AP2A2: variants seen among roughly 807,000 people sequenced by gnomAD.
The protein encoded by AP2A2 is AP-2 complex subunit alpha-2.
In AP2A2, 32 loss-of-function variants were observed where a neutral mutation model predicts 104.2. The observed-to-expected ratio is 0.31, with a 90% CI of 0.23 to 0.41. The LOEUF is 0.41. Among genes scored for constraint, AP2A2 ranks in the 10% least tolerant of loss-of-function variants. AP2A2 has a pLI of 1.00. For missense variants in AP2A2, 912 were observed against 1,261.0 expected, an observed-to-expected ratio of 0.72 and a Z score of 4.19; for synonymous variants, 539 against 533.3, an observed-to-expected ratio of 1.01 and a Z score of -0.15.
chr11:983,592 C>T lies in AP2A2; in HGVS notation c.706-1053C>T, dbSNP rs545005392. Among the ~76,000 whole-genome samples, 118 of 151,914 alleles carry T rather than the reference C, an allele frequency of 7.8e-4. 3 individuals carry two copies. The highest frequency in any genetic ancestry group is 3.3e-3 in the South Asian group (16 of 4,814). Reference sequence around the variant, plus strand: ...TAGAGATGGGGTTTCACTGTGTTAGCCAGGATGGTCTCGATCTCCTGACCT... The same window carrying T: ...TAGAGATGGGGTTTCACTGTGTTAGTCAGGATGGTCTCGATCTCCTGACCT... On this transcript the variant is annotated intron_variant, in intron 6 of 21. Coordinates refer to ENST00000448903, the MANE Select transcript of AP2A2 (RefSeq NM_012305.4).
intron 14 of AP2A2, among the ~76,000 whole-genome samples, chr11:997,141 G>T (rs1471419131): frequency 2.0e-5 from 3 of 152,252 alleles, no homozygotes; most frequent in African/African-American, 7.2e-5. Context: ...ACGAGAGACA[G>T]TGGCTTTATC....
chr11:938,696 C>G (rs1853546763), intron 1 of AP2A2, among the ~76,000 whole-genome samples: 1 of 151,948 alleles, frequency 6.6e-6, no homozygotes, highest in African/African-American at 2.4e-5. Flanking sequence ...GGATGGTCTC[C>G]ATCTCCTGAC....
chr11:933,375 C>T (rs1236038976), intron 1 of AP2A2, among the ~76,000 whole-genome samples: 1 of 152,228 alleles, frequency 6.6e-6, no homozygotes, highest in East Asian at 1.9e-4. Context: ...CAGCATGTTC[C>T]TTCTTCAGAA....
At chr11:967,042 C>T (rs1340877595) in intron 2 of AP2A2, among the ~76,000 whole-genome samples, 2 of 152,026 alleles carry the variant, frequency 1.3e-5, no homozygotes, top group Non-Finnish European at 2.9e-5. Flanking sequence ...TGGCGTGTGC[C>T]TGTAATCCCA....
intron 14 of AP2A2, among the ~76,000 whole-genome samples, chr11:997,774 G>A (rs1454907084): frequency 2.0e-5 from 3 of 152,242 alleles, no homozygotes; most frequent in African/African-American, 4.8e-5. Context: ...GTGTGGTGGT[G>A]TGTGCCTGTA....
At chr11:945,260 G>T (rs1362381453) in intron 1 of AP2A2, among the ~76,000 whole-genome samples, 1 of 152,186 alleles carries the variant, frequency 6.6e-6, no homozygotes, top group African/African-American at 2.4e-5. Flanking sequence ...GGGAGAGGCA[G>T]CCAAAACCAG....
chr11:967,976 A>T (rs1854679971), intron 2 of AP2A2, among the ~76,000 whole-genome samples: 1 of 152,146 alleles, frequency 6.6e-6, no homozygotes, highest in Non-Finnish European at 1.5e-5. Context: ...AGACTGTATC[A>T]GTCTGGGTCC....
intron 15 of AP2A2, among the ~76,000 whole-genome samples, chr11:1,003,184 G>A (rs1297673019): frequency 6.6e-6 from 1 of 152,244 alleles, no homozygotes; most frequent in Admixed American, 6.5e-5. Flanking sequence ...TCCCTGTGCG[G>A]TGTAGACACT....
chr11:983,630 G>A lies in AP2A2; in HGVS notation c.706-1015G>A, dbSNP rs186408575. Among the ~76,000 whole-genome samples the A allele has an allele frequency of 8.3e-3, 1,266 of 152,112 alleles. 15 individuals are homozygous for A. The highest frequency in any genetic ancestry group is 0.025 in the African/African-American group (1,033 of 41,430). The stretch of plus-strand genomic sequence containing the variant: ...GATCTCCTGACCTTGTGATCCGCCC[G>A]CCTTGGCCTCTCAAAGTGCTGGGAT... On this transcript the variant is annotated intron_variant, in intron 6 of 21. Transcript: ENST00000448903.
intron 14 of AP2A2, among the ~76,000 whole-genome samples, chr11:999,556 TG>T (rs1162837655): frequency 6.6e-6 from 1 of 152,138 alleles, no homozygotes; most frequent in Non-Finnish European, 1.5e-5. Context: ...TTTAAACTCC[TG>T]GACTCAAGCA....
At chr11:974,900 G>A (rs189217315) in intron 4 of AP2A2, among the ~76,000 whole-genome samples, 1 of 152,256 alleles carries the variant, frequency 6.6e-6, no homozygotes, top group Non-Finnish European at 1.5e-5. Flanking sequence ...CAGGAGAATC[G>A]CTTGAACCCG....
chr11:965,302 G>A (rs1854573001), intron 2 of AP2A2, among the ~76,000 whole-genome samples: 1 of 152,232 alleles, frequency 6.6e-6, no homozygotes, highest in African/African-American at 2.4e-5. Flanking sequence ...GAATGGGCAG[G>A]ACAGCGGGAG....
chr11:991,607 C>A (rs28667745), intron 10 of AP2A2, among the ~76,000 whole-genome samples: 149,342 of 152,002 alleles, frequency 0.98, 73,404 homozygotes, highest in Middle Eastern at 1. Flanking sequence ...CCGTGAGCTG[C>A]GGGTAGGGCT....
chr11:976,456 C>T (rs1855041065), intron 4 of AP2A2, among the ~76,000 whole-genome samples: 1 of 152,120 alleles, frequency 6.6e-6, no homozygotes, highest in East Asian at 1.9e-4. Flanking sequence ...CCACAGCGTC[C>T]ACCCCAGGGT....
intron 1 of AP2A2, among the ~76,000 whole-genome samples, chr11:939,190 G>A (rs2134475209): frequency 6.7e-6 from 1 of 148,874 alleles, no homozygotes; most frequent in Admixed American, 6.7e-5. Flanking sequence ...GGTGGAGGTT[G>A]CAGTGAGCCG....
intron 2 of AP2A2, among the ~76,000 whole-genome samples, chr11:965,274 G>A (rs533987226): frequency 1.9e-3 from 285 of 152,076 alleles, no homozygotes; most frequent in Non-Finnish European, 3.1e-3. Flanking sequence ...AGATGGAAGC[G>A]TGGAGGTGGA....
chr11:1,002,499 TG>T (rs1429064522), intron 15 of AP2A2, among the ~76,000 whole-genome samples: 1 of 152,260 alleles, frequency 6.6e-6, no homozygotes, highest in Non-Finnish European at 1.5e-5. Context: ...CCTGCCGGGC[TG>T]TGCAGGGGGC....
chr11:973,730 A>G (rs1854914373), intron 4 of AP2A2, among the ~76,000 whole-genome samples: 1 of 152,200 alleles, frequency 6.6e-6, no homozygotes, highest in African/African-American at 2.4e-5. Flanking sequence ...CAGCAGGTCC[A>G]GTGGATTCTG....
chr11:989,839 T>G (rs1855587455), intron 10 of AP2A2, among the ~76,000 whole-genome samples: 1 of 152,218 alleles, frequency 6.6e-6, no homozygotes, highest in African/African-American at 2.4e-5. Flanking sequence ...GGTTCGCCAC[T>G]GTGACCAGCC....
Sources: allele counts gnomAD v4.1 joint callset (sites outside exome capture counted in the v4.1 genomes callset), GRCh38; gene constraint gnomAD v4.1.1; transcripts MANE v1.5; gene names NCBI Gene and HGNC (gene_info 2026-07-23, HGNC 2026-07-21).